Variants in MTUS2 observed in about 807,000 individuals in gnomAD.
MTUS2 encodes microtubule-associated tumor suppressor candidate 2.
In MTUS2, 40 loss-of-function variants were observed where a neutral mutation model predicts 114.1. The ratio of observed to expected loss-of-function variants is 0.35; its 90% confidence interval spans 0.27 to 0.46. MTUS2 has a LOEUF of 0.46. MTUS2 is among the 20% of genes least tolerant of loss of function. MTUS2 has a pLI of 1.00. For synonymous variants in MTUS2, 688 were observed against 672.0 expected, an observed-to-expected ratio of 1.02 and a Z score of -0.37; for missense variants, 1,679 against 1,705.4, an observed-to-expected ratio of 0.98 and a Z score of 0.27.
rs1315798242 is a variant in MTUS2, at chr13:29,366,304, T to C, written c.3117+6831T>C. Among the ~76,000 whole-genome samples, 4 of 152,236 alleles carry C rather than the reference T, an allele frequency of 2.6e-5. No individual in the cohort carries two copies. In the East Asian group the frequency reaches 7.7e-4, roughly 29 times the overall value. ...GAACTTGTGCAGGGAAACTCCCCTT[T>C]ATAAAACCATCAGATCTTGTGAGAC... On this transcript the variant is annotated intron_variant, in intron 8 of 15. Coordinates refer to ENST00000612955, the MANE Select transcript of MTUS2 (RefSeq NM_001033602.4).
intron 2 of MTUS2, among the ~76,000 whole-genome samples, chr13:28,930,153 T>G (rs1353173812): frequency 6.6e-6 from 1 of 152,254 alleles, no homozygotes; most frequent in Non-Finnish European, 1.5e-5. Flanking sequence ...TTCAGAATTA[T>G]TCTTTAGCCT....
At chr13:29,172,311 C>T (rs904947498) in intron 5 of MTUS2, among the ~76,000 whole-genome samples, 2 of 152,166 alleles carry the variant, frequency 1.3e-5, no homozygotes, top group Non-Finnish European at 2.9e-5. Flanking sequence ...CTTCTATTCT[C>T]CTGAAAGTGG....
In MTUS2 at chr13:28,971,881, C is replaced by T. The variant is rs112366958; in HGVS notation, c.-242-52576C>T. On this transcript the variant is annotated intron_variant, in intron 2 of 15. Coordinates refer to ENST00000612955, the MANE Select transcript of MTUS2 (RefSeq NM_001033602.4). ...CCCATTTTTCATGTTTTCTGCCATGCCAAAGCTTGCCTTGTAAATAAAGTA... is the reference window on the plus strand; with the variant it reads ...CCCATTTTTCATGTTTTCTGCCATGTCAAAGCTTGCCTTGTAAATAAAGTA... Among the ~76,000 whole-genome samples the T allele has an allele frequency of 4.1e-3, 619 of 152,270 alleles. 7 individuals carry two copies. The highest frequency in any genetic ancestry group is 0.014 in the African/African-American group (596 of 41,544).
At chr13:29,161,571 G>A (rs758914810) in intron 5 of MTUS2, among the ~76,000 whole-genome samples, 4 of 152,036 alleles carry the variant, frequency 2.6e-5, no homozygotes, top group Non-Finnish European at 4.4e-5. Context: ...CTTGCTCCCC[G>A]CAAGATAAAA....
chr13:28,995,210 C>T (rs914225558), intron 2 of MTUS2, among the ~76,000 whole-genome samples: 45 of 152,242 alleles, frequency 3.0e-4, no homozygotes, highest in Admixed American at 2.0e-3. Context: ...CAGATAGTTG[C>T]AGATATGCAG....
intron 9 of MTUS2, among the ~76,000 whole-genome samples, chr13:29,441,479 C>T (rs1041263717): frequency 2.6e-5 from 4 of 152,228 alleles, no homozygotes; most frequent in Non-Finnish European, 5.9e-5. Flanking sequence ...ACAGTGACAG[C>T]TGCAGTGATG....
chr13:28,900,688 G>T (rs768086202), intron 2 of MTUS2, among the ~76,000 whole-genome samples: 1 of 152,142 alleles, frequency 6.6e-6, no homozygotes, highest in Non-Finnish European at 1.5e-5. Context: ...CATCTAGGTG[G>T]TTTCTCGTTC....
intron 2 of MTUS2, among the ~76,000 whole-genome samples, chr13:28,869,215 T>C (rs1877477064): frequency 6.6e-6 from 1 of 152,236 alleles, no homozygotes; most frequent in Non-Finnish European, 1.5e-5. Context: ...TTTAACCTGC[T>C]GTGGGTTTCT....
intron 2 of MTUS2, among the ~76,000 whole-genome samples, chr13:28,952,309 A>G (rs1882850101): frequency 6.6e-6 from 1 of 152,194 alleles, no homozygotes; most frequent in African/African-American, 2.4e-5. Context: ...TGCTCCATCA[A>G]ATATATGAGC....
At chr13:28,874,846 C>A (rs80278835) in intron 2 of MTUS2, among the ~76,000 whole-genome samples, 10,428 of 152,188 alleles carry the variant, frequency 0.069, 1,163 homozygotes, top group African/African-American at 0.23. Flanking sequence ...TCTTTTTCAT[C>A]ATTTATTATG....
chr13:28,940,370 C>T (rs1882160451), intron 2 of MTUS2, among the ~76,000 whole-genome samples: 1 of 152,150 alleles, frequency 6.6e-6, no homozygotes, highest in African/African-American at 2.4e-5. Flanking sequence ...AATAAAAGGT[C>T]ACATATTGTA....
intron 6 of MTUS2, among the ~76,000 whole-genome samples, chr13:29,322,362 G>A (rs1427059556): frequency 6.6e-6 from 1 of 152,164 alleles, no homozygotes; most frequent in Non-Finnish European, 1.5e-5. Flanking sequence ...TGGGTACCCT[G>A]AGGGGTACCC....
At chr13:29,255,358 C>T (rs1897256950) in intron 5 of MTUS2, among the ~76,000 whole-genome samples, 1 of 152,136 alleles carries the variant, frequency 6.6e-6, no homozygotes, top group African/African-American at 2.4e-5. Context: ...TTTACAGCCC[C>T]CTCCGGTCCA....
intron 2 of MTUS2, among the ~76,000 whole-genome samples, chr13:28,903,002 T>C (rs1274137250): frequency 2.0e-5 from 3 of 152,168 alleles, no homozygotes; most frequent in African/African-American, 7.2e-5. Flanking sequence ...TTCAGTAGTT[T>C]ATAGGGCTGT....
intron 5 of MTUS2, among the ~76,000 whole-genome samples, chr13:29,145,475 G>T (rs1311995536): frequency 6.6e-6 from 1 of 152,114 alleles, no homozygotes; most frequent in Non-Finnish European, 1.5e-5. Context: ...AACCGAGATT[G>T]TGCCACTGCA....
At chr13:29,453,848 G>A (rs1878916958) in intron 9 of MTUS2, among the ~76,000 whole-genome samples, 1 of 152,190 alleles carries the variant, frequency 6.6e-6, no homozygotes. Flanking sequence ...TGGGATATGA[G>A]GCTCAAATGA....
chr13:29,235,516 G>T (rs1240568011), intron 5 of MTUS2, among the ~76,000 whole-genome samples: 1 of 152,102 alleles, frequency 6.6e-6, no homozygotes, highest in Non-Finnish European at 1.5e-5. Flanking sequence ...GAGCTTTATT[G>T]AGGATGCTTC....
In MTUS2 at chr13:29,418,811, C is replaced by T. The variant is rs941947022; in HGVS notation, c.3118-21172C>T. On this transcript the variant is annotated intron_variant, in intron 8 of 15. Coordinates refer to ENST00000612955, the MANE Select transcript of MTUS2 (RefSeq NM_001033602.4). ...AAATGTCCGCGTTCTAGACCCTCCC[C>T]GTGTGGGTGGGTAGGTCTCAAGTGA... 4.6e-5 allele frequency among the ~76,000 whole-genome samples: 7 copies of T among 152,198 alleles called. No homozygotes were observed. The East Asian group carries it at 5.8e-4, about 13-fold the overall frequency.
At chr13:29,309,542 A>G (rs753532230) in intron 6 of MTUS2, among the ~76,000 whole-genome samples, 5 of 149,794 alleles carry the variant, frequency 3.3e-5, no homozygotes, top group South Asian at 4.3e-4. Context: ...ATGTTTACCT[A>G]TGTAACAAAC....
Sources: allele counts gnomAD v4.1 joint callset (sites outside exome capture counted in the v4.1 genomes callset), GRCh38; gene constraint gnomAD v4.1.1; transcripts MANE v1.5; gene names NCBI Gene and HGNC (gene_info 2026-07-23, HGNC 2026-07-21).